Variants in ADGRL3 observed in about 807,000 individuals in gnomAD.
ADGRL3 encodes the protein calcium-independent alpha-latrotoxin receptor 3.
Under a neutral mutation model 153.5 loss-of-function variants are expected in ADGRL3, and 62 were observed. That is an observed-to-expected ratio of 0.40 (90% CI 0.33 to 0.50). The LOEUF is 0.50. ADGRL3 is among the 20% of genes least tolerant of loss of function. The pLI is 0.47. For synonymous variants in ADGRL3, 710 were observed against 672.5 expected, an observed-to-expected ratio of 1.06 and a Z score of -0.86; for missense variants, 1,641 against 1,859.4, an observed-to-expected ratio of 0.88 and a Z score of 2.16.
intron 23 of ADGRL3, among the ~76,000 whole-genome samples, chr4:62,036,741 A>T (rs569332071): frequency 6.6e-6 from 1 of 152,100 alleles, no homozygotes; most frequent in African/African-American, 2.4e-5. Flanking sequence ...TCAAATACAT[A>T]AAGGCTTAAG....
intron 9 of ADGRL3, among the ~76,000 whole-genome samples, chr4:61,869,341 G>A (rs971691303): frequency 2.0e-5 from 3 of 151,990 alleles, no homozygotes; most frequent in African/African-American, 7.2e-5. Context: ...GCTCACGCCT[G>A]TAATCCCAGC....
chr4:61,503,630 C>T (rs529715665), intron 3 of ADGRL3, among the ~76,000 whole-genome samples: 1 of 151,966 alleles, frequency 6.6e-6, no homozygotes, highest in Admixed American at 6.5e-5. Flanking sequence ...CATTAGAAGA[C>T]ATTTAGTTTT....
intron 6 of ADGRL3, among the ~76,000 whole-genome samples, chr4:61,719,903 C>A (rs1057483793): frequency 6.6e-6 from 1 of 151,958 alleles, no homozygotes; most frequent in African/African-American, 2.4e-5. Flanking sequence ...GCTCCCGCCC[C>A]CTGTCAGACA....
intron 1 of ADGRL3, among the ~76,000 whole-genome samples, chr4:61,280,108 T>TTTTC (rs2093658534): frequency 3.0e-5 from 1 of 33,328 alleles, no homozygotes; most frequent in African/African-American, 8.3e-5. Flanking sequence ...TTTTCTTTTC[T>TTTTC]TTTTCTTTTT....
intron 8 of ADGRL3, among the ~76,000 whole-genome samples, chr4:61,743,154 A>G (rs1490910517): frequency 2.0e-5 from 3 of 151,884 alleles, no homozygotes; most frequent in Non-Finnish European, 4.4e-5. Flanking sequence ...CCCCGTCTCT[A>G]TTAAAAATAC....
At chr4:61,858,330 T>C (rs1252462492) in intron 9 of ADGRL3, among the ~76,000 whole-genome samples, 1 of 152,108 alleles carries the variant, frequency 6.6e-6, no homozygotes, top group Admixed American at 6.6e-5. Context: ...CATTAAAACT[T>C]TATGAATATT....
At chr4:61,231,147 C>A (rs113242949) in intron 1 of ADGRL3, among the ~76,000 whole-genome samples, 3 of 152,062 alleles carry the variant, frequency 2.0e-5, no homozygotes, top group Non-Finnish European at 2.9e-5. Context: ...AAAGTCTGTG[C>A]GGAGATAGTA....
intron 2 of ADGRL3, among the ~76,000 whole-genome samples, chr4:61,428,783 C>G (rs1166134375): frequency 6.6e-6 from 1 of 152,036 alleles, no homozygotes; most frequent in Non-Finnish European, 1.5e-5. Flanking sequence ...CTAACTGTAT[C>G]TCTGTAACTA....
intron 8 of ADGRL3, among the ~76,000 whole-genome samples, chr4:61,809,902 G>T (rs756463943): frequency 6.6e-6 from 1 of 152,092 alleles, no homozygotes; most frequent in Non-Finnish European, 1.5e-5. Context: ...CTAATCTTCA[G>T]AATGCCCTTA....
intron 1 of ADGRL3, among the ~76,000 whole-genome samples, chr4:61,279,280 C>A (rs2093620966): frequency 2.0e-5 from 3 of 152,194 alleles, no homozygotes; most frequent in Admixed American, 2.0e-4. Flanking sequence ...TATTCATTGA[C>A]ATTTCTGAGT....
At chr4:61,466,827 A>T (rs1386200624) in intron 2 of ADGRL3, among the ~76,000 whole-genome samples, 3 of 152,120 alleles carry the variant, frequency 2.0e-5, no homozygotes, top group African/African-American at 7.2e-5. Flanking sequence ...AGCTTTGGTT[A>T]TTTTAGACAA....
intron 2 of ADGRL3, among the ~76,000 whole-genome samples, chr4:61,464,174 G>T (rs988479980): frequency 6.6e-6 from 1 of 152,152 alleles, no homozygotes; most frequent in South Asian, 2.1e-4. Flanking sequence ...GCCTATAAAA[G>T]CTCACATAGC....
chr4:61,427,146 C>T (rs554431976), intron 2 of ADGRL3: 1 of 152,328 alleles, frequency 6.6e-6, no homozygotes, highest in Admixed American at 6.5e-5. Flanking sequence ...ACACAAGTTC[C>T]CTCATGTGGG....
At chr4:61,815,718 A>G (rs6839737) in intron 9 of ADGRL3, among the ~76,000 whole-genome samples, 8,094 of 152,288 alleles carry the variant, frequency 0.053, 351 homozygotes, top group African/African-American at 0.12. Context: ...TGATTACGGC[A>G]TAAGGCCACT....
chr4:61,666,815 A>AT (rs957222147), intron 5 of ADGRL3, among the ~76,000 whole-genome samples: 6 of 152,276 alleles, frequency 3.9e-5, no homozygotes, highest in African/African-American at 1.4e-4. Context: ...ATACATACAA[A>AT]TAAAGAATAT....
chr4:61,695,438 G>A (rs2095623723), intron 6 of ADGRL3, among the ~76,000 whole-genome samples: 1 of 152,106 alleles, frequency 6.6e-6, no homozygotes, highest in South Asian at 2.1e-4. Context: ...CTTTTTCTGA[G>A]TAGCAGGTCT....
At chr4:61,397,405 AG>A (rs2096881141) in intron 2 of ADGRL3, among the ~76,000 whole-genome samples, 1 of 151,962 alleles carries the variant, frequency 6.6e-6, no homozygotes, top group Non-Finnish European at 1.5e-5. Context: ...ATAGTCAAAA[AG>A]AAATGAGGCA....
intron 1 of ADGRL3, among the ~76,000 whole-genome samples, chr4:61,325,007 G>GATTAC (rs2095436626): frequency 6.6e-6 from 1 of 152,026 alleles, no homozygotes; most frequent in Non-Finnish European, 1.5e-5. Flanking sequence ...ACTTTACTAA[G>GATTAC]TGCATTGCTT....
chr4:61,804,230 G>A (rs1191852794), intron 8 of ADGRL3, among the ~76,000 whole-genome samples: 1 of 152,058 alleles, frequency 6.6e-6, no homozygotes, highest in East Asian at 1.9e-4. Flanking sequence ...ATTTTTGTAA[G>A]CCTTGCAATA....
Sources: gnomAD v4.1 joint callset for allele counts (sites outside exome capture counted in the v4.1 genomes callset) on GRCh38, gnomAD v4.1.1 for gene constraint, MANE v1.5 for transcripts, NCBI Gene and HGNC (gene_info 2026-07-23, HGNC 2026-07-21) for gene names.